The following NXPE2 variants were observed in gnomAD, a reference collection of about 807,000 sequenced individuals.
NXPE2 encodes the protein neurexophilin and PC-esterase domain family member 2.
NXPE2 carries 34 observed loss-of-function variants against 34.4 expected under a neutral mutation model. The observed-to-expected ratio is 0.99, with a 90% confidence interval of 0.75 to 1.31. The LOEUF is 1.31. Ranked by LOEUF, NXPE2 falls within the 40% of genes most tolerant of loss-of-function variation. The pLI is 0.00. For missense variants in NXPE2, 649 were observed against 672.5 expected (o/e 0.97, Z 0.39); for synonymous variants, 235 against 231.3 (o/e 1.02, Z -0.15).
At chr11:114,623,525 G>T in the NXPE2 span, among the ~76,000 whole-genome samples, 1 of 152,060 alleles carries the variant, frequency 6.6e-6, no homozygotes, top group East Asian at 1.9e-4. Flanking sequence ...TTCCCTCGTG[G>T]ATAAACACTG....
chr11:114,725,428 C>T, the NXPE2 span, among the ~76,000 whole-genome samples: 1 of 152,046 alleles, frequency 6.6e-6, no homozygotes, highest in Non-Finnish European at 1.5e-5. Flanking sequence ...CTCACTGACC[C>T]CAAGCCCAAC....
chr11:114,660,154 C>A, the NXPE2 span, among the ~76,000 whole-genome samples: 1 of 151,930 alleles, frequency 6.6e-6, no homozygotes, highest in Non-Finnish European at 1.5e-5. Flanking sequence ...AATGAAAAAT[C>A]TGCATCAGGA....
chr11:114,511,050 T>C, the NXPE2 span, among the ~76,000 whole-genome samples: 2 of 152,116 alleles, frequency 1.3e-5, no homozygotes, highest in African/African-American at 4.8e-5. Context: ...AGGAAATTAA[T>C]AGAAAATACC....
At chr11:114,736,025 A>G in the NXPE2 span, among the ~76,000 whole-genome samples, 4 of 152,286 alleles carry the variant, frequency 2.6e-5, no homozygotes, top group East Asian at 7.7e-4. Context: ...TGAGCCATAA[A>G]ACCAGCAAGG....
the NXPE2 span, among the ~76,000 whole-genome samples, chr11:114,714,208 C>T: frequency 6.6e-6 from 1 of 152,156 alleles, no homozygotes; most frequent in African/African-American, 2.4e-5. Context: ...TACCTTTTTT[C>T]ACTATCAGGA....
At chr11:114,557,885 A>G in the NXPE2 span, among the ~76,000 whole-genome samples, 1 of 151,842 alleles carries the variant, frequency 6.6e-6, no homozygotes, top group Non-Finnish European at 1.5e-5. Context: ...GGGCTATACA[A>G]TTCTAGATTG....
At chr11:114,769,086 C>A in the NXPE2 span, among the ~76,000 whole-genome samples, 4 of 151,760 alleles carry the variant, frequency 2.6e-5, no homozygotes, top group South Asian at 4.2e-4. Context: ...TATTCAGAAT[C>A]TACTAAGAAC....
the NXPE2 span, among the ~76,000 whole-genome samples, chr11:114,598,728 C>T: frequency 6.6e-6 from 1 of 152,232 alleles, no homozygotes; most frequent in African/African-American, 2.4e-5. Flanking sequence ...TGAGGCTGTG[C>T]AGGGTGACAG....
At chr11:114,642,132 G>A in the NXPE2 span, among the ~76,000 whole-genome samples, 20 of 152,106 alleles carry the variant, frequency 1.3e-4, no homozygotes, top group Admixed American at 6.6e-4. Context: ...AGATGATCAA[G>A]ATCAACACTA....
At chr11:114,594,600 A>G in the NXPE2 span, 1 of 1,039,194 alleles carries the variant, frequency 9.6e-7, no homozygotes, top group Non-Finnish European at 1.5e-6. Context: ...AGCCTTTCCT[A>G]GAACAGATGA....
chr11:114,630,773 A>G, the NXPE2 span, among the ~76,000 whole-genome samples: 2 of 151,900 alleles, frequency 1.3e-5, no homozygotes, highest in Non-Finnish European at 2.9e-5. Context: ...CAACCTACTC[A>G]TCTGATAAAG....
the NXPE2 span, among the ~76,000 whole-genome samples, chr11:114,573,292 C>T: frequency 1.3e-5 from 2 of 151,768 alleles, no homozygotes; most frequent in Admixed American, 1.3e-4. Context: ...TGAAATAATG[C>T]AATGAAAAGA....
chr11:114,580,257 C>A, the NXPE2 span: 1 of 1,614,030 alleles, frequency 6.2e-7, no homozygotes, highest in Non-Finnish European at 8.5e-7. Context: ...GACAGGATTC[C>A]ATGTGTTTCT....
the NXPE2 span, among the ~76,000 whole-genome samples, chr11:114,779,573 A>T: frequency 2.0e-5 from 3 of 152,210 alleles, no homozygotes; most frequent in South Asian, 2.1e-4. Context: ...TGTTGCGGGG[A>T]CTTCTGCTCT....
At chr11:114,641,207 G>A in the NXPE2 span, among the ~76,000 whole-genome samples, 1 of 151,920 alleles carries the variant, frequency 6.6e-6, no homozygotes, top group African/African-American at 2.4e-5. Flanking sequence ...AAGGAATATA[G>A]AGTTGAGAAA....
At chr11:114,531,532 T>C in the NXPE2 span, among the ~76,000 whole-genome samples, 1 of 152,220 alleles carries the variant, frequency 6.6e-6, no homozygotes, top group African/African-American at 2.4e-5. Flanking sequence ...TCTATTTGTG[T>C]CATCTCCCAA....
the NXPE2 span, among the ~76,000 whole-genome samples, chr11:114,481,126 C>T: frequency 3.9e-5 from 6 of 152,180 alleles, no homozygotes; most frequent in Non-Finnish European, 5.9e-5. Context: ...AGGACCAGGT[C>T]AGTTCCTAGC....
chr11:114,642,115 C>T, the NXPE2 span, among the ~76,000 whole-genome samples: 2 of 151,904 alleles, frequency 1.3e-5, no homozygotes, highest in Admixed American at 6.6e-5. Context: ...CAAACACTAC[C>T]TCAGCTAGAT....
At chr11:114,675,989 C>G (rs931362901), upstream of NXPE2, among the ~76,000 whole-genome samples, 1 of 151,808 alleles carries the variant, frequency 6.6e-6, no homozygotes, top group Admixed American at 6.6e-5. Flanking sequence ...GCCAAAAGCA[C>G]ACAATGGAGA....
Sources: allele counts gnomAD v4.1 joint callset (sites outside exome capture counted in the v4.1 genomes callset), GRCh38; gene constraint gnomAD v4.1.1; transcripts MANE v1.5; gene names NCBI Gene and HGNC (gene_info 2026-07-23, HGNC 2026-07-21).